The following NKAIN1 variants were observed in gnomAD, a reference collection of about 807,000 sequenced individuals.
The protein encoded by NKAIN1 is sodium/potassium transporting ATPase interacting 1.
A neutral mutation model predicts 31.6 loss-of-function variants in NKAIN1; 13 were observed. The ratio of observed to expected loss-of-function variants is 0.41; its 90% CI spans 0.27 to 0.65. NKAIN1 has a LOEUF of 0.65. NKAIN1 is among the 30% of genes least tolerant of loss of function. NKAIN1 has a pLI of 0.30. For missense variants in NKAIN1, 193 were observed against 262.2 expected (o/e 0.74, Z 1.82); for synonymous variants, 104 against 109.0 (o/e 0.95, Z 0.28).
chr1:31,184,021 G>A lies in NKAIN1; in HGVS notation c.274-7C>T, dbSNP rs1645223704. 1 of 1,612,444 alleles carries A rather than the reference G, an allele frequency of 6.2e-7. No homozygotes were observed. Among genetic ancestry groups the A allele is most frequent in the Admixed American group, 1.7e-5 (1 of 59,904 alleles). ...TCATGATGAAGTCCCGGTCCTGGGG[G>A]CAAAGGGGCCTGGGATACTGAGTGT... On this transcript the variant is annotated splice_region_variant and splice_polypyrimidine_tract_variant and intron_variant, in intron 3 of 6. Transcript: ENST00000373736.
chr1:31,237,138 G>A (rs1450672188), intron 1 of NKAIN1, among the ~76,000 whole-genome samples: 1 of 152,108 alleles, frequency 6.6e-6, no homozygotes, highest in African/African-American at 2.4e-5. Flanking sequence ...GTAGTCCCAG[G>A]TACTCAGGAG....
chr1:31,210,319 C>A (rs1175531772), intron 1 of NKAIN1, among the ~76,000 whole-genome samples: 1 of 147,606 alleles, frequency 6.8e-6, no homozygotes, highest in African/African-American at 2.5e-5. Context: ...AATGGAGTCT[C>A]ACTCTGTCGC....
intron 3 of NKAIN1, 65 bp downstream of exon 3, chr1:31,185,182 C>A: frequency 2.3e-6 from 3 of 1,332,162 alleles, no homozygotes; most frequent in East Asian, 4.9e-5. Context: ...TACCACAGTA[C>A]CCTTAGGGCA....
chr1:31,227,078 G>T (rs1645613964), intron 1 of NKAIN1, among the ~76,000 whole-genome samples: 1 of 152,140 alleles, frequency 6.6e-6, no homozygotes, highest in South Asian at 2.1e-4. Flanking sequence ...GCCTGCCCTG[G>T]CCTCCCAAAG....
rs117340662 is a variant in NKAIN1, at chr1:31,207,037, C to T, written c.55-18850G>A. On this transcript the variant is annotated intron_variant, in intron 1 of 6. Coordinates refer to ENST00000373736, the MANE Select transcript of NKAIN1 (RefSeq NM_024522.3). ...AGTGTGATCCTGTAATCCCACCTGG[C>T]TGTATGTGCTTTTTAAACTGTGTAG... is the stretch of plus-strand genomic sequence containing the variant. Among the ~76,000 whole-genome samples, 18 of 152,248 alleles carry T rather than the reference C, an allele frequency of 1.2e-4. No homozygotes were observed. In the East Asian group the frequency reaches 3.1e-3, roughly 26 times the overall value.
intron 1 of NKAIN1, among the ~76,000 whole-genome samples, chr1:31,204,242 G>T (rs1038889845): frequency 5.9e-5 from 9 of 152,114 alleles, no homozygotes; most frequent in African/African-American, 2.2e-4. Flanking sequence ...AGGCAGGGAA[G>T]GTCTGAGCAT....
chr1:31,219,444 G>A (rs1164472735), intron 1 of NKAIN1, among the ~76,000 whole-genome samples: 1 of 152,260 alleles, frequency 6.6e-6, no homozygotes, highest in African/African-American at 2.4e-5. Flanking sequence ...GTGGGCTTGG[G>A]GCTGACTGGA....
In NKAIN1 at chr1:31,239,741, C is replaced by G. The variant is rs1645720809; in HGVS notation, c.-194G>C. On this transcript the variant is annotated 5_prime_UTR_variant, in exon 1 of 7. Transcript: ENST00000373736. The surrounding 1 kb of genome is among the most constrained non-coding windows in gnomAD (Gnocchi z 4.8). ...CCGCCCGCGCTCCGAGTCCATGGTC[C>G]GTCCGTCCGCGCGCTGGCCCCGCCG... 1.3e-5 allele frequency among the ~76,000 whole-genome samples: 2 copies of G among 151,084 alleles called. No homozygotes were observed. Among genetic ancestry groups the G allele is most frequent in the South Asian group, 4.1e-4 (2 of 4,824 alleles).
rs560884894 is a variant in NKAIN1 at position 31,190,036 on chromosome 1, C to T, written c.55-1849G>A. On this transcript the variant is annotated intron_variant, in intron 1 of 6. Transcript: ENST00000373736. ...CCATGCCTAAAGCTGGTTCTCCCTC[C>T]TTGTCCTGCTGATTTTTGTCATTTG... Among the ~76,000 whole-genome samples, 22 of 152,252 alleles carry T rather than the reference C, an allele frequency of 1.4e-4. No individual in the cohort carries two copies. In the East Asian group the frequency reaches 4.3e-3, roughly 30 times the overall value.
At chr1:31,229,888 G>A (rs1645632910) in intron 1 of NKAIN1, among the ~76,000 whole-genome samples, 1 of 152,182 alleles carries the variant, frequency 6.6e-6, no homozygotes, top group African/African-American at 2.4e-5. Context: ...TCCCCATACA[G>A]AGCAAGAGAG....
intron 1 of NKAIN1, among the ~76,000 whole-genome samples, chr1:31,234,085 GC>G (rs1645677261): frequency 1.3e-5 from 2 of 152,162 alleles, no homozygotes; most frequent in African/African-American, 4.8e-5. Flanking sequence ...ATTCTACCCT[GC>G]TCCGCCCATC....
Position 31,218,020 on chromosome 1 carries a change from C to CTT in NKAIN1, c.54+21472_54+21473dup, listed in dbSNP as rs1327773486. On this transcript the variant is annotated intron_variant, in intron 1 of 6. Transcript: ENST00000373736. ...CCATAATCACAGCAGCTACCATTTT[C>CTT]TTTCTTTCTTTCTTTCTTTCTTTCT... 3.0e-4 allele frequency among the ~76,000 whole-genome samples: 22 copies of CTT among 73,840 alleles called. 1 individual carries two copies. The South Asian group carries it at 7.3e-3, about 24-fold the overall frequency. The allele number at this position is 73,840 out of a possible 152,430, so 48.4% of individuals were successfully genotyped here.
At position 31,219,279 on chromosome 1, in the gene NKAIN1, C is replaced by A. The variant is rs180850176; in HGVS notation, c.54+20215G>T. ...CCCCAGCTATCAGTCCCATTTCTGG[C>A]TGGGGTCTCATACGCAGGTCTGGAT... On this transcript the variant is annotated intron_variant, in intron 1 of 6. Coordinates refer to ENST00000373736, the MANE Select transcript of NKAIN1 (RefSeq NM_024522.3). Among the ~76,000 whole-genome samples, 31 of 152,364 alleles carry A rather than the reference C, an allele frequency of 2.0e-4. No individual in the cohort carries two copies. The East Asian group carries it at 5.8e-3, about 28-fold the overall frequency.
chr1:31,192,210 A>G (rs886537010), intron 1 of NKAIN1, among the ~76,000 whole-genome samples: 1 of 152,252 alleles, frequency 6.6e-6, no homozygotes, highest in East Asian at 1.9e-4. Context: ...TGTTCTTCCC[A>G]TTCTCAGCAT....
At chr1:31,220,606 T>A (rs923903852) in intron 1 of NKAIN1, among the ~76,000 whole-genome samples, 1 of 151,814 alleles carries the variant, frequency 6.6e-6, no homozygotes. Context: ...AATATAAAAA[T>A]TAGCCAGGTG....
intron 1 of NKAIN1, among the ~76,000 whole-genome samples, chr1:31,223,024 G>A (rs1321244472): frequency 1.3e-5 from 2 of 152,154 alleles, no homozygotes; most frequent in Admixed American, 6.5e-5. Context: ...GCTCTCAGGC[G>A]GCTACTCCTT....
At chr1:31,200,099 ACACG>A (rs546822287) in intron 1 of NKAIN1, among the ~76,000 whole-genome samples, 16 of 152,014 alleles carry the variant, frequency 1.1e-4, no homozygotes, top group African/African-American at 3.6e-4. Flanking sequence ...GCATTCACAC[ACACG>A]CACGCACGCA....
chr1:31,187,233 T>C (rs533245741), intron 2 of NKAIN1, among the ~76,000 whole-genome samples: 1 of 152,120 alleles, frequency 6.6e-6, no homozygotes, highest in African/African-American at 2.4e-5. Flanking sequence ...GTGTCAAGCA[T>C]GTATGTAGTA....
chr1:31,214,288 T>A (rs1461015798), intron 1 of NKAIN1, among the ~76,000 whole-genome samples: 4 of 149,434 alleles, frequency 2.7e-5, no homozygotes, highest in Non-Finnish European at 5.9e-5. Context: ...CAAGGGGGAG[T>A]GGGGAGTGAC....
Sources: allele counts gnomAD v4.1 joint callset (sites outside exome capture counted in the v4.1 genomes callset), GRCh38; gene constraint gnomAD v4.1.1; non-coding constraint Gnocchi (gnomAD v3.1); transcripts MANE v1.5; gene names NCBI Gene and HGNC (gene_info 2026-07-23, HGNC 2026-07-21).